Variants in CACNB2 observed in about 807,000 individuals in gnomAD.
CACNB2 encodes calcium voltage-gated channel auxiliary subunit beta 2.
Under a neutral mutation model 73.3 loss-of-function variants are expected in CACNB2, and 42 were observed. The ratio of observed to expected loss-of-function variants is 0.57; its 90% CI spans 0.45 to 0.74. The LOEUF (loss-of-function observed/expected upper bound fraction) is 0.74. Among genes scored for constraint, CACNB2 ranks in the 30% least tolerant of loss-of-function variants. The pLI, the probability that CACNB2 is intolerant of heterozygous loss-of-function variation, is 0.00. For synonymous variants in CACNB2, 348 were observed against 310.3 expected (o/e 1.12, Z -1.28); for missense variants, 940 against 853.0 (o/e 1.10, Z -1.27).
At chr10:18,446,351 C>T (rs903127686) in intron 3 of CACNB2, among the ~76,000 whole-genome samples, 1 of 152,172 alleles carries the variant, frequency 6.6e-6, no homozygotes, top group Non-Finnish European at 1.5e-5. Context: ...TTTAAGCAAA[C>T]TAATCTGGCT....
At chr10:18,442,562 C>T (rs765019807) in intron 3 of CACNB2, among the ~76,000 whole-genome samples, 8 of 151,714 alleles carry the variant, frequency 5.3e-5, no homozygotes, top group Non-Finnish European at 1.0e-4. Context: ...CACAGTGGCT[C>T]ACGCCTGTAA....
chr10:18,315,856 G>A (rs569584687), intron 2 of CACNB2, among the ~76,000 whole-genome samples: 3 of 152,188 alleles, frequency 2.0e-5, no homozygotes, highest in South Asian at 2.1e-4. Context: ...CTACAACATC[G>A]CCTCACTGAA....
chr10:18,349,363 A>G (rs2041609596), intron 2 of CACNB2, among the ~76,000 whole-genome samples: 1 of 152,218 alleles, frequency 6.6e-6, no homozygotes, highest in African/African-American at 2.4e-5. Flanking sequence ...GCATACTACA[A>G]TGACCTAAGT....
chr10:18,426,955 A>ATTT (rs551543429), intron 3 of CACNB2, among the ~76,000 whole-genome samples: 1 of 81,656 alleles, frequency 1.2e-5, no homozygotes. Flanking sequence ...CCTTTTCTAC[A>ATTT]TTTTTTTTTT....
chr10:18,162,930 C>A (rs939871901), intron 2 of CACNB2, among the ~76,000 whole-genome samples: 5 of 152,018 alleles, frequency 3.3e-5, no homozygotes, highest in Admixed American at 6.6e-5. Context: ...ATGGTAAATA[C>A]CGGTAGGCTC....
intron 2 of CACNB2, among the ~76,000 whole-genome samples, chr10:18,157,225 A>T (rs1026453066): frequency 2.6e-5 from 4 of 152,226 alleles, no homozygotes; most frequent in Non-Finnish European, 5.9e-5. Context: ...ATGTTATAAG[A>T]TTTATTTAAA....
At chr10:18,258,974 T>A (rs1476197822) in intron 2 of CACNB2, among the ~76,000 whole-genome samples, 4 of 152,178 alleles carry the variant, frequency 2.6e-5, no homozygotes, top group African/African-American at 9.7e-5. Context: ...GTTTCTGATT[T>A]AATCACTAAA....
intron 2 of CACNB2, among the ~76,000 whole-genome samples, chr10:18,333,496 CTATTA>C (rs1465724722): frequency 6.7e-6 from 1 of 149,224 alleles, no homozygotes; most frequent in African/African-American, 2.4e-5. Flanking sequence ...AAAGAAAATT[CTATTA>C]TGTCTGTGAC....
intron 2 of CACNB2, among the ~76,000 whole-genome samples, chr10:18,160,292 TG>T (rs2131086772): frequency 6.6e-6 from 1 of 151,936 alleles, no homozygotes; most frequent in East Asian, 1.9e-4. Context: ...AAAATAATTT[TG>T]TGGATTGAGA....
chr10:18,228,450 GAAAAAA>G (rs1275938431), intron 2 of CACNB2, among the ~76,000 whole-genome samples: 1 of 68,996 alleles, frequency 1.4e-5, no homozygotes. Context: ...AAAAAAAAAA[GAAAAAA>G]AAAAAGAAAA....
chr10:18,382,913 G>A (rs2043077458), intron 2 of CACNB2, among the ~76,000 whole-genome samples: 1 of 152,156 alleles, frequency 6.6e-6, no homozygotes, highest in African/African-American at 2.4e-5. Context: ...CCAGTAATGG[G>A]ATTGCTGGGT....
chr10:18,538,129 G>T (rs781630044), intron 12 of CACNB2, 51 bp from the exon 13 acceptor site: 3 of 1,575,656 alleles, frequency 1.9e-6, no homozygotes, highest in South Asian at 1.1e-5. Flanking sequence ...GGTGGGAAGG[G>T]GGTGAAAACT....
chr10:18,283,809 A>G (rs1185811677), intron 2 of CACNB2, among the ~76,000 whole-genome samples: 2 of 152,206 alleles, frequency 1.3e-5, no homozygotes, highest in Non-Finnish European at 1.5e-5. Context: ...CCTAGAACTT[A>G]AAGTATAATA....
At chr10:18,389,635 A>C (rs954559573) in intron 2 of CACNB2, among the ~76,000 whole-genome samples, 1 of 152,186 alleles carries the variant, frequency 6.6e-6, no homozygotes, top group African/African-American at 2.4e-5. Context: ...AATTTTCTTA[A>C]ACTAGTTCCT....
Position 18,341,001 on chromosome 10 carries a change from G to T in CACNB2, c.214-60923G>T, listed in dbSNP as rs1333606467. On this transcript the variant is annotated intron_variant, in intron 2 of 13. Coordinates refer to ENST00000324631, the MANE Select transcript of CACNB2 (RefSeq NM_201596.3). The stretch of plus-strand genomic sequence containing the variant: ...GGGTAAGCATACGGGAGAGAAGCCG[G>T]CCAGATGCACGGTGCGGTTTAAAGA... 1.6e-5 allele frequency: 25 copies of T among 1,612,578 alleles called. No individual in the cohort carries two copies. In the East Asian group the frequency reaches 5.6e-4, roughly 36 times the overall value.
intron 3 of CACNB2, among the ~76,000 whole-genome samples, chr10:18,462,276 C>T (rs765402284): frequency 4.6e-5 from 7 of 152,202 alleles, no homozygotes; most frequent in Non-Finnish European, 7.3e-5. Context: ...TTGATTGAGA[C>T]AGCGTCTCAC....
At chr10:18,141,133 C>T in intron 1 of CACNB2, 1 of 1,550,042 alleles carries the variant, frequency 6.5e-7, no homozygotes, top group East Asian at 2.4e-5. Flanking sequence ...CCGGGTTGCT[C>T]CAGCTGGCCC....
intron 3 of CACNB2, among the ~76,000 whole-genome samples, chr10:18,411,715 C>A (rs1393340039): frequency 6.6e-6 from 1 of 152,070 alleles, no homozygotes; most frequent in Admixed American, 6.6e-5. Flanking sequence ...ACCATGTTGG[C>A]CAGGCTGTTC....
chr10:18,146,284 G>A (rs1034438479), intron 1 of CACNB2, among the ~76,000 whole-genome samples: 2 of 149,658 alleles, frequency 1.3e-5, no homozygotes, highest in African/African-American at 2.5e-5. Flanking sequence ...CAATGAATAC[G>A]AACTGAGAGA....
Sources: allele counts gnomAD v4.1 joint callset (sites outside exome capture counted in the v4.1 genomes callset), GRCh38; gene constraint gnomAD v4.1.1; transcripts MANE v1.5; gene names NCBI Gene and HGNC (gene_info 2026-07-23, HGNC 2026-07-21).